Variants in RAD23B observed in about 807,000 individuals in gnomAD.
RAD23B encodes the protein RAD23 nucleotide excision repair protein B, also known as lysine-specific demethylase RAD23B.
RAD23B carries 5 observed loss-of-function variants against 49.1 expected under a neutral mutation model. The observed-to-expected ratio is 0.10, with a 90% confidence interval of 0.05 to 0.21. RAD23B has a LOEUF of 0.21. Among genes scored for constraint, RAD23B ranks in the 10% least tolerant of loss-of-function variants. The pLI, the probability that RAD23B is intolerant of heterozygous loss-of-function variation, is 1.00. For missense variants in RAD23B, 356 were observed against 486.7 expected (o/e 0.73, Z 2.53); for synonymous variants, 184 against 165.4 (o/e 1.11, Z -0.86).
rs1298067283 is a variant in RAD23B at position 107,302,080 on chromosome 9, A to T, written c.194A>T (p.Asp65Val). The change falls in exon 3 of 10, where the codon GAT (aspartate) becomes GTT (valine). Residue 65 changes from aspartate to valine, a missense_variant. Coordinates refer to ENST00000358015, the MANE Select transcript of RAD23B (RefSeq NM_002874.5). Reference sequence around the variant, plus strand: ...ACTGCTCTCAAAGAATATAAAATTGATGAGAAAAACTTTGTGGTGGTTATG... The same window carrying T: ...ACTGCTCTCAAAGAATATAAAATTGTTGAGAAAAACTTTGTGGTGGTTATG... ...DDTALKEYKI[D>V]EKNFVVVMVT... The T allele has an allele frequency of 1.2e-6, 2 of 1,613,370 alleles. No individual in the cohort carries two copies. The highest frequency in any genetic ancestry group is 1.7e-6 in the Non-Finnish European group (2 of 1,179,766).
At chr9:107,306,301 T>A (rs1490900278) in intron 3 of RAD23B, 78 bp from the exon 4 acceptor site, 26 of 1,416,162 alleles carry the variant, frequency 1.8e-5, no homozygotes, top group Non-Finnish European at 2.5e-5. Context: ...TGTGGCATCC[T>A]GTAACGGTAC....
intron 8 of RAD23B, among the ~76,000 whole-genome samples, chr9:107,324,324 T>G (rs1205243333): frequency 2.0e-5 from 3 of 152,234 alleles, no homozygotes; most frequent in African/African-American, 7.2e-5. Context: ...ACAGAGAAAC[T>G]GCCTAACTTT....
In RAD23B at chr9:107,324,074, G is replaced by T. The variant is rs1274319845; in HGVS notation, c.945+57G>T. ...TTAGAGTGTGTCACAATTTGAAAAA[G>T]TCCATGAACGGTCCTTCCCCTCCTC... On this transcript the variant is annotated intron_variant, in intron 8 of 9. Coordinates refer to ENST00000358015, the MANE Select transcript of RAD23B (RefSeq NM_002874.5). 3 of 1,558,984 alleles carry T rather than the reference G, an allele frequency of 1.9e-6. No homozygotes were observed. In the African/African-American group the frequency reaches 4.1e-5, roughly 21 times the overall value.
At chr9:107,308,701 G>C (rs7847961) in intron 4 of RAD23B, among the ~76,000 whole-genome samples, 1 of 152,142 alleles carries the variant, frequency 6.6e-6, no homozygotes, top group African/African-American at 2.4e-5. Context: ...TACACCAACT[G>C]CTTACTCTTA....
chr9:107,318,678 A>G lies in RAD23B; in HGVS notation c.554-74A>G, dbSNP rs1458057158. 8.9e-6 allele frequency: 13 copies of G among 1,460,750 alleles called. No individual in the cohort carries two copies. In the South Asian group the frequency reaches 9.8e-5, roughly 11 times the overall value. 90.5% of individuals were successfully genotyped at this position (1,460,750 alleles called of 1,614,324 possible). On this transcript the variant is annotated intron_variant, in intron 5 of 9. Coordinates refer to ENST00000358015, the MANE Select transcript of RAD23B (RefSeq NM_002874.5). The surrounding 1 kb of genome is among the most constrained non-coding windows in gnomAD (Gnocchi z 4.3). Reference sequence around the variant, plus strand: ...TAGTAGTTCCTGAAATGTTGTATACATGAATCAATAAATGTATAGAGAATG... The same window carrying G: ...TAGTAGTTCCTGAAATGTTGTATACGTGAATCAATAAATGTATAGAGAATG...
intron 1 of RAD23B, among the ~76,000 whole-genome samples, chr9:107,295,789 A>G (rs1462990880): frequency 2.0e-5 from 3 of 152,328 alleles, no homozygotes; most frequent in South Asian, 2.1e-4. Flanking sequence ...GGTTAGGACA[A>G]TGAGACACCA....
chr9:107,295,057 G>T (rs920443830), intron 1 of RAD23B, among the ~76,000 whole-genome samples: 2 of 146,236 alleles, frequency 1.4e-5, no homozygotes, highest in African/African-American at 5.0e-5. Context: ...TTGGTAAAGA[G>T]CAGTGTTAAT....
intron 9 of RAD23B, 166 bp downstream of exon 9, chr9:107,325,170 C>G: frequency 2.0e-6 from 1 of 510,348 alleles, no homozygotes; most frequent in South Asian, 2.0e-5. Context: ...CAAAAATTAG[C>G]TGGCGTGGTG....
chr9:107,324,934 T>C lies in RAD23B; in HGVS notation c.1046T>C (p.Ile349Thr), dbSNP rs770162049. The C allele has an allele frequency of 1.9e-6, 3 of 1,613,696 alleles. No homozygotes were observed. The highest frequency in any genetic ancestry group is 3.3e-5 in the Admixed American group (2 of 59,996). The change falls in exon 9 of 10, where the codon ATT (isoleucine) becomes ACT (threonine). Residue 349 changes from isoleucine to threonine, a missense_variant. By Grantham distance (89) the Ile-to-Thr change is moderately conservative (BLOSUM62 -1). Coordinates refer to ENST00000358015, the MANE Select transcript of RAD23B (RefSeq NM_002874.5). ...GGGGGGGSGG[I>T]AEAGSGHMNY... is the part of the protein sequence containing the mutation. ...GGAGGTGGAGGTGGCAGTGGAGGAA[T>C]TGCAGAAGCTGGAAGTGGTCATATG...
chr9:107,318,596 T>TA lies in RAD23B; in HGVS notation c.554-156_554-155insA, dbSNP rs1827041023. 6.6e-6 allele frequency among the ~76,000 whole-genome samples: 1 copy of TA among 152,244 alleles called. No homozygotes were observed. The highest frequency in any genetic ancestry group is 6.5e-5 in the Admixed American group (1 of 15,280). ...ACCAGAGGGCATCTTTGGGGGACCA[T>TA]TACCTACTACATATATGTTGTAATT... On this transcript the variant is annotated intron_variant, in intron 5 of 9. Transcript: ENST00000358015. This position sits in a 1 kb window ranked among gnomAD's most constrained non-coding sequence, Gnocchi z 4.3.
Position 107,324,962 on chromosome 9 carries a change from C to G in RAD23B, c.1074C>G (p.Asn358Lys). The change falls in exon 9 of 10, where the codon AAC (asparagine) becomes AAG (lysine). Residue 358 changes from asparagine to lysine, a missense_variant. Around this residue, in one of 5 missense-constraint regions of RAD23B, gnomAD observed 148 missense variants for 231.7 expected, o/e 0.64. Transcript: ENST00000358015. ...GIAEAGSGHM[N>K]YIQVTPQEKE... ...CAGAAGCTGGAAGTGGTCATATGAA[C>G]TACATTCAAGTAACACCTCAGGAAA... The G allele has an allele frequency of 6.2e-7, 1 of 1,613,562 alleles. No individual in the cohort carries two copies. The highest frequency in any genetic ancestry group is 8.5e-7 in the Non-Finnish European group (1 of 1,179,896).
Position 107,323,961 on chromosome 9 carries a change from TC to T in RAD23B, c.891del (p.Leu298CysfsTer9). 1 of 1,613,082 alleles carries T rather than the reference TC, an allele frequency of 6.2e-7. No individual in the cohort carries two copies. The highest frequency in any genetic ancestry group is 8.5e-7 in the Non-Finnish European group (1 of 1,179,046). On this transcript the variant is annotated frameshift_variant, in exon 8 of 10. Coordinates refer to ENST00000358015, the MANE Select transcript of RAD23B (RefSeq NM_002874.5). LOFTEE classifies it high-confidence loss of function. ...GAGACAAATTATTCAGCAGAATCCTTCCTTGCTTCCAGCGTTACTACAGCAG... is the reference window on the plus strand; with the variant it reads ...GAGACAAATTATTCAGCAGAATCCTTCTTGCTTCCAGCGTTACTACAGCAG... ...QMRQIIQQNP[S>X]LLPALLQQIG...
At chr9:107,324,566 GTTTT>G (rs927902159) in intron 8 of RAD23B, among the ~76,000 whole-genome samples, 2 of 151,406 alleles carry the variant, frequency 1.3e-5, no homozygotes, top group African/African-American at 4.9e-5. Context: ...TTTTTTGTTT[GTTTT>G]TTGTTTGTTT....
intron 1 of RAD23B, chr9:107,284,060 G>A: frequency 9.8e-7 from 1 of 1,021,962 alleles, no homozygotes; most frequent in Non-Finnish European, 1.2e-6. Context: ...ACAGGTGGGG[G>A]AGGGAGACGT....
intron 1 of RAD23B, among the ~76,000 whole-genome samples, chr9:107,299,822 C>T (rs1826610456): frequency 6.6e-6 from 1 of 152,086 alleles, no homozygotes; most frequent in Non-Finnish European, 1.5e-5. Context: ...TACTTTCTTG[C>T]TCCGTGGGAA....
intron 5 of RAD23B, among the ~76,000 whole-genome samples, 196 bp downstream of exon 5, chr9:107,311,933 TTGC>T (rs1460538411): frequency 6.6e-6 from 1 of 152,250 alleles, no homozygotes; most frequent in African/African-American, 2.4e-5. Flanking sequence ...TCTTTAAAAC[TTGC>T]TCTGAGTTGA....
At chr9:107,316,931 G>T (rs1452560990) in intron 5 of RAD23B, among the ~76,000 whole-genome samples, 4 of 152,206 alleles carry the variant, frequency 2.6e-5, no homozygotes. Flanking sequence ...ACTGAAGCAT[G>T]TTGAAGGAAC....
At chr9:107,310,181 A>G (rs1401825015) in intron 4 of RAD23B, among the ~76,000 whole-genome samples, 1 of 152,276 alleles carries the variant, frequency 6.6e-6, no homozygotes, top group East Asian at 1.9e-4. Flanking sequence ...ACCATCTAGA[A>G]TGAAAAAAGA....
chr9:107,303,141 A>G (rs2133076531), intron 3 of RAD23B, among the ~76,000 whole-genome samples: 1 of 152,314 alleles, frequency 6.6e-6, no homozygotes. Flanking sequence ...GAGAAGTGGT[A>G]CTCATGACAT....
Sources: gnomAD v4.1 joint callset for allele counts (sites outside exome capture counted in the v4.1 genomes callset) on GRCh38, gnomAD v4.1.1 for gene constraint, gnomAD v4.1.1 regional missense constraint, Gnocchi (gnomAD v3.1) non-coding constraint, MANE v1.5 for transcripts, NCBI Gene and HGNC (gene_info 2026-07-23, HGNC 2026-07-21) for gene names.